PLEKHA2: variants seen among roughly 807,000 people sequenced by gnomAD.
PLEKHA2 encodes pleckstrin homology domain-containing family A member 2.
PLEKHA2 carries 28 observed loss-of-function variants against 53.2 expected under a neutral mutation model. The observed-to-expected ratio is 0.53, with a 90% CI of 0.39 to 0.72. The LOEUF is 0.72. Among genes scored for constraint, PLEKHA2 ranks in the 30% least tolerant of loss-of-function variants. The probability of loss-of-function intolerance (pLI) is 0.00; values close to 1 mark genes in which losing one functional copy is unlikely to be tolerated. For synonymous variants in PLEKHA2, 193 were observed against 196.4 expected (o/e 0.98, Z 0.14); for missense variants, 426 against 537.9 (o/e 0.79, Z 2.06).
Position 38,922,870 on chromosome 8 carries a change from G to A in PLEKHA2, c.141+4800G>A, listed in dbSNP as rs1463770193. 6.6e-6 allele frequency among the ~76,000 whole-genome samples: 1 copy of A among 152,190 alleles called. No individual in the cohort carries two copies. The highest frequency in any genetic ancestry group is 2.4e-5 in the African/African-American group (1 of 41,446). On this transcript the variant is annotated intron_variant, in intron 2 of 11. Transcript: ENST00000617275. This position sits in a 1 kb window ranked among gnomAD's most constrained non-coding sequence, Gnocchi z 4.0. ...CTCTTTGCTCATGGTTGTGCAGGTG[G>A]TAAATGCAGCGCTGGAGCCAGGTCC...
chr8:38,957,226 C>A, intron 9 of PLEKHA2, 97 bp from the exon 10 acceptor site: 1 of 934,802 alleles, frequency 1.1e-6, no homozygotes, highest in South Asian at 1.6e-5. Context: ...CACCCATCTT[C>A]CTTTTTTATG....
chr8:38,956,322 C>G (rs1234096783), intron 9 of PLEKHA2, among the ~76,000 whole-genome samples: 1 of 152,120 alleles, frequency 6.6e-6, no homozygotes, highest in Non-Finnish European at 1.5e-5. Context: ...AAAGGAGTGC[C>G]CTGAGGTCAT....
chr8:38,966,129 C>T (rs1026246778), intron 10 of PLEKHA2, among the ~76,000 whole-genome samples: 4 of 152,200 alleles, frequency 2.6e-5, no homozygotes, highest in African/African-American at 7.2e-5. Flanking sequence ...CCACTTGTCA[C>T]TACACCCTTT....
At chr8:38,927,629 A>G (rs1000680451) in intron 2 of PLEKHA2, among the ~76,000 whole-genome samples, 4 of 152,196 alleles carry the variant, frequency 2.6e-5, no homozygotes, top group African/African-American at 7.2e-5. Context: ...TTTATTAGTT[A>G]TATCAATTGA....
intron 10 of PLEKHA2, among the ~76,000 whole-genome samples, chr8:38,958,560 C>G (rs1311567178): frequency 1.3e-5 from 2 of 152,162 alleles, no homozygotes; most frequent in Non-Finnish European, 2.9e-5. Context: ...GTTTGAGTAA[C>G]TTAGTCATCT....
chr8:38,956,843 G>T, intron 9 of PLEKHA2, among the ~76,000 whole-genome samples: 1 of 152,282 alleles, frequency 6.6e-6, no homozygotes, highest in South Asian at 2.1e-4. Flanking sequence ...CTGAGTGTGG[G>T]TCTGGGTTTC....
At chr8:38,906,204 T>C (rs1215946032) in intron 1 of PLEKHA2, among the ~76,000 whole-genome samples, 1 of 152,256 alleles carries the variant, frequency 6.6e-6, no homozygotes, top group African/African-American at 2.4e-5. Context: ...GCTGCGTGCC[T>C]GCACTGGTGC....
At chr8:38,920,389 C>A (rs1394906060) in intron 2 of PLEKHA2, among the ~76,000 whole-genome samples, 1 of 152,040 alleles carries the variant, frequency 6.6e-6, no homozygotes, top group South Asian at 2.1e-4. Context: ...CTCCTGACCT[C>A]CTTATCTGCC....
At chr8:38,951,867 T>C (rs1271920601) in intron 6 of PLEKHA2, among the ~76,000 whole-genome samples, 1 of 152,200 alleles carries the variant, frequency 6.6e-6, no homozygotes, top group Non-Finnish European at 1.5e-5. Flanking sequence ...TAATTCTTTT[T>C]TTTAATTTTT....
chr8:38,937,146 A>G (rs535400085), intron 3 of PLEKHA2, among the ~76,000 whole-genome samples: 1 of 152,366 alleles, frequency 6.6e-6, no homozygotes, highest in East Asian at 1.9e-4. Context: ...AGAGTCTGGC[A>G]GACACAGCCC....
chr8:38,925,995 A>G (rs898767586), intron 2 of PLEKHA2, among the ~76,000 whole-genome samples: 1 of 152,262 alleles, frequency 6.6e-6, no homozygotes, highest in South Asian at 2.1e-4. Flanking sequence ...GTAGGAATGC[A>G]GAGTTAGTGA....
intron 2 of PLEKHA2, among the ~76,000 whole-genome samples, chr8:38,924,881 C>G (rs1463014393): frequency 6.6e-6 from 1 of 152,144 alleles, no homozygotes; most frequent in African/African-American, 2.4e-5. Context: ...AGTGGTGACT[C>G]TAAACTGATA....
At chr8:38,927,948 G>A (rs1014655598) in intron 2 of PLEKHA2, among the ~76,000 whole-genome samples, 1 of 152,056 alleles carries the variant, frequency 6.6e-6, no homozygotes, top group South Asian at 2.1e-4. Flanking sequence ...GGAATGGAGA[G>A]TGGGGGGGCA....
chr8:38,967,535 C>T (rs940523793), intron 10 of PLEKHA2, among the ~76,000 whole-genome samples: 1 of 152,168 alleles, frequency 6.6e-6, no homozygotes, highest in Non-Finnish European at 1.5e-5. Flanking sequence ...CTAATAATAG[C>T]TATTCTGACT....
chr8:38,925,314 A>G (rs968028539), intron 2 of PLEKHA2, among the ~76,000 whole-genome samples: 1 of 152,246 alleles, frequency 6.6e-6, no homozygotes, highest in African/African-American at 2.4e-5. Flanking sequence ...CTAGTACAGC[A>G]ATCTGCAGAC....
chr8:38,924,464 A>G (rs1285277823), intron 2 of PLEKHA2, among the ~76,000 whole-genome samples: 1 of 152,188 alleles, frequency 6.6e-6, no homozygotes, highest in Non-Finnish European at 1.5e-5. Context: ...GAGGCCAGAC[A>G]AGGGTGTGAA....
chr8:38,943,991 T>C (rs1588261142), intron 4 of PLEKHA2, among the ~76,000 whole-genome samples, 154 bp downstream of exon 4: 1 of 152,348 alleles, frequency 6.6e-6, no homozygotes, highest in African/African-American at 2.4e-5. Flanking sequence ...TGATATTGTT[T>C]TCCCTGGTCT....
chr8:38,919,061 T>G (rs1834133298), intron 2 of PLEKHA2, among the ~76,000 whole-genome samples: 1 of 152,166 alleles, frequency 6.6e-6, no homozygotes, highest in Non-Finnish European at 1.5e-5. Flanking sequence ...CCTGGTTCCC[T>G]GAGCCGGACA....
rs758071546 is a variant in PLEKHA2 at position 38,973,164 on chromosome 8, G to T, written c.*3381G>T. On this transcript the variant is annotated 3_prime_UTR_variant, in exon 12 of 12. Transcript: ENST00000617275. ...GCTTACTCAATGTCAGCTGATGGTT[G>T]GTAAAAATAATTTGGCCTTTAGTGT... is the stretch of plus-strand genomic sequence containing the variant. 6.6e-6 allele frequency: 1 copy of T among 151,974 alleles called. No individual in the cohort carries two copies. The highest frequency in any genetic ancestry group is 1.5e-5 in the Non-Finnish European group (1 of 68,008). 9.4% of individuals were successfully genotyped at this position (151,974 alleles called of 1,614,324 possible).
Sources: allele counts gnomAD v4.1 joint callset (sites outside exome capture counted in the v4.1 genomes callset), GRCh38; gene constraint gnomAD v4.1.1; non-coding constraint Gnocchi (gnomAD v3.1); transcripts MANE v1.5; gene names NCBI Gene and HGNC (gene_info 2026-07-23, HGNC 2026-07-21).